Variants in WASF3 observed in about 807,000 individuals in gnomAD.
WASF3 encodes the protein WASP family member 3, also known as actin-binding protein WASF3.
In WASF3, 11 loss-of-function variants were observed where a neutral mutation model predicts 46.6. The observed-to-expected ratio is 0.24, with a 90% CI of 0.15 to 0.39. The LOEUF (loss-of-function observed/expected upper bound fraction) is 0.39, where lower values mean the gene tolerates loss of function less well. WASF3 is among the 10% of genes least tolerant of loss of function. WASF3 has a pLI of 1.00. For missense variants in WASF3, 576 were observed against 669.8 expected, an observed-to-expected ratio of 0.86 and a Z score of 1.55; for synonymous variants, 242 against 259.7, an observed-to-expected ratio of 0.93 and a Z score of 0.65.
At chr13:26,542,226 C>G in the WASF3 span, among the ~76,000 whole-genome samples, 1 of 152,210 alleles carries the variant, frequency 6.6e-6, no homozygotes, top group Non-Finnish European at 1.5e-5. Flanking sequence ...CTCAGCATGG[C>G]AAAGAATTCC....
chr13:26,638,787 G>A (rs1881905637), intron 2 of WASF3: 2 of 152,212 alleles, frequency 1.3e-5, no homozygotes, highest in African/African-American at 4.8e-5. Flanking sequence ...AACTGATACT[G>A]AAATTTGATC....
chr13:26,609,492 T>TA (rs397946278), intron 1 of WASF3: 1 of 139,444 alleles, frequency 7.2e-6, no homozygotes, highest in Non-Finnish European at 1.6e-5. Context: ...TTTTTTTTTT[T>TA]AACTAGGCAG....
chr13:26,672,686 G>A (rs1307361551), intron 6 of WASF3, among the ~76,000 whole-genome samples: 3 of 152,172 alleles, frequency 2.0e-5, no homozygotes, highest in African/African-American at 4.8e-5. Flanking sequence ...TATGTCAGCT[G>A]TATTTAAAAA....
rs536074675 is a variant in WASF3 at position 26,664,752 on chromosome 13, G to T, written c.134-276G>T. ...AAAATGAGAACTTAAGTTGCAGTTA[G>T]TGGGAAGCAACTTGAGCGATAGCTC... On this transcript the variant is annotated intron_variant, in intron 3 of 9. Transcript: ENST00000335327. Among the ~76,000 whole-genome samples the T allele has an allele frequency of 1.5e-4, 23 of 152,376 alleles. No homozygotes were observed. The East Asian group carries it at 4.2e-3, about 28-fold the overall frequency.
rs374283071 is a variant in WASF3, at chr13:26,685,809, C to T, written c.1473C>T (p.Asp491=). ...RIAVEYSDSD[D]DSEFDENDWS... Reference sequence around the variant, plus strand: ...CCGTGGAGTACAGCGACTCTGACGACGACTCAGAGTTCGACGAGAACGACT... The same window carrying T: ...CCGTGGAGTACAGCGACTCTGACGATGACTCAGAGTTCGACGAGAACGACT... Residue 491 remains aspartate, a synonymous_variant, in exon 10 of 10, where the codon GAC becomes GAT. Coordinates refer to ENST00000335327, the MANE Select transcript of WASF3 (RefSeq NM_006646.6). The T allele has an allele frequency of 4.0e-5, 65 of 1,613,908 alleles. No homozygotes were observed. The highest frequency in any genetic ancestry group is 2.9e-4 in the East Asian group (13 of 44,884).
intron 9 of WASF3, among the ~76,000 whole-genome samples, chr13:26,683,366 C>A (rs1449389103): frequency 1.3e-5 from 2 of 151,950 alleles, no homozygotes; most frequent in African/African-American, 2.4e-5. Context: ...GTCCCAGCTA[C>A]TCAGGAGGCT....
chr13:26,615,474 A>G (rs1188121482), intron 2 of WASF3, among the ~76,000 whole-genome samples: 1 of 151,704 alleles, frequency 6.6e-6, no homozygotes, highest in Non-Finnish European at 1.5e-5. Flanking sequence ...ATGTCCAGCT[A>G]ATTTTTGTAT....
At chr13:26,578,657 C>G (rs1879874771) in intron 1 of WASF3, among the ~76,000 whole-genome samples, 1 of 152,078 alleles carries the variant, frequency 6.6e-6, no homozygotes, top group Non-Finnish European at 1.5e-5. Flanking sequence ...TTCTTTCTCC[C>G]TCTCCCTCCT....
upstream of WASF3, among the ~76,000 whole-genome samples, chr13:26,554,471 A>G (rs1566032599): frequency 6.6e-6 from 1 of 152,188 alleles, no homozygotes; most frequent in Non-Finnish European, 1.5e-5. Context: ...GAACTTTTAA[A>G]AAAGATTTAC....
rs539498270 is a variant in WASF3 at position 26,588,704 on chromosome 13, T to C, written c.-108-24257T>C. On this transcript the variant is annotated intron_variant, in intron 1 of 9. Coordinates refer to ENST00000335327, the MANE Select transcript of WASF3 (RefSeq NM_006646.6). ...CAGAGAGTACCTGTGTCCCTCCCCATCCTGGCCAACACCGGGATTTTTCAT... is the reference window on the plus strand; with the variant it reads ...CAGAGAGTACCTGTGTCCCTCCCCACCCTGGCCAACACCGGGATTTTTCAT... Among the ~76,000 whole-genome samples the C allele has an allele frequency of 1.3e-3, 205 of 152,312 alleles. 1 individual carries two copies. Among genetic ancestry groups the C allele is most frequent in the Middle Eastern group, 3.4e-3 (1 of 294 alleles).
intron 3 of WASF3, among the ~76,000 whole-genome samples, chr13:26,660,192 T>G (rs879076948): frequency 2.3e-5 from 3 of 128,222 alleles, no homozygotes; most frequent in African/African-American, 5.8e-5. Flanking sequence ...GTTTTTTGTT[T>G]GGTTTTTTTT....
At chr13:26,549,131 A>G in the WASF3 span, among the ~76,000 whole-genome samples, 6 of 151,644 alleles carry the variant, frequency 4.0e-5, no homozygotes, top group African/African-American at 1.5e-4. Flanking sequence ...ACAGAGACGC[A>G]CCACCACGCC....
At position 26,679,342 on chromosome 13, in the gene WASF3, T is replaced by G. The variant is rs1449828414; in HGVS notation, c.717-1712T>G. ...CAGTCCCCTCTTCCCCCAGCCCCCG[T>G]CCTCCTGATGGGCACCCTTCATCAG... On this transcript the variant is annotated intron_variant, in intron 7 of 9. Transcript: ENST00000335327. This position sits in a 1 kb window ranked among gnomAD's most constrained non-coding sequence, Gnocchi z 4.8. Among the ~76,000 whole-genome samples, 1 of 152,126 alleles carries G rather than the reference T, an allele frequency of 6.6e-6. No individual in the cohort carries two copies. Among genetic ancestry groups the G allele is most frequent in the Non-Finnish European group, 1.5e-5 (1 of 68,020 alleles).
intron 3 of WASF3, among the ~76,000 whole-genome samples, chr13:26,651,692 T>C (rs1049924205): frequency 1.3e-5 from 2 of 152,158 alleles, no homozygotes. Flanking sequence ...AAAGTAAATA[T>C]GGGATTAAAT....
At chr13:26,641,140 C>T (rs1881984725) in intron 2 of WASF3, 1 of 152,080 alleles carries the variant, frequency 6.6e-6, no homozygotes, top group Admixed American at 6.6e-5. Context: ...TTTAATTTAC[C>T]TTTCTTTTCC....
Position 26,682,477 on chromosome 13 carries a change from C to T in WASF3, c.984-130C>T. ...TGACCCAAGGTGTGCATGTTTGCAT[C>T]CTGCCATGATTGAAGTTCAGGTGAC... On this transcript the variant is annotated intron_variant, in intron 8 of 9. Transcript: ENST00000335327. The surrounding 1 kb of genome is among the most constrained non-coding windows in gnomAD (Gnocchi z 4.4). 9.3e-7 allele frequency: 1 copy of T among 1,078,844 alleles called. No homozygotes were observed. Among genetic ancestry groups the T allele is most frequent in the Non-Finnish European group, 1.4e-6 (1 of 728,264 alleles). The allele number at this position is 1,078,844 out of a possible 1,614,324, so 66.8% of individuals were successfully genotyped here. A position where few individuals can be genotyped will look rare whatever the true frequency, so the allele number is the denominator to read the frequency against.
intron 1 of WASF3, among the ~76,000 whole-genome samples, chr13:26,598,673 C>T (rs1880550056): frequency 6.6e-6 from 1 of 152,192 alleles, no homozygotes; most frequent in African/African-American, 2.4e-5. Context: ...GCAGTTTTCA[C>T]TCCGAACCCC....
chr13:26,606,113 G>A (rs2137211164), intron 1 of WASF3, among the ~76,000 whole-genome samples: 1 of 152,218 alleles, frequency 6.6e-6, no homozygotes, highest in South Asian at 2.1e-4. Flanking sequence ...CTTGCTAAAT[G>A]AGGTAGACGG....
At chr13:26,678,550 C>T (rs531837269) in intron 7 of WASF3, among the ~76,000 whole-genome samples, 11 of 151,976 alleles carry the variant, frequency 7.2e-5, no homozygotes, top group African/African-American at 1.9e-4. Context: ...TGATTGTATC[C>T]GCTCATCTGA....
Sources: gnomAD v4.1 joint callset for allele counts (sites outside exome capture counted in the v4.1 genomes callset) on GRCh38, gnomAD v4.1.1 for gene constraint, Gnocchi (gnomAD v3.1) non-coding constraint, MANE v1.5 for transcripts, NCBI Gene and HGNC (gene_info 2026-07-23, HGNC 2026-07-21) for gene names.